The following FCGR2A variants were observed in gnomAD, a reference collection of about 807,000 sequenced individuals.
FCGR2A encodes the protein Fc gamma receptor IIa.
FCGR2A carries 18 observed loss-of-function variants against 29.3 expected under a neutral mutation model. The observed-to-expected ratio is 0.62, with a 90% CI of 0.43 to 0.91. FCGR2A has a LOEUF of 0.91. Ranked by LOEUF, FCGR2A falls within the 40% of genes least tolerant of loss-of-function variation. The pLI, the probability that FCGR2A is intolerant of heterozygous loss-of-function variation, is 0.00. For synonymous variants in FCGR2A, 126 were observed against 144.8 expected (o/e 0.87, Z 0.93); for missense variants, 287 against 393.0 (o/e 0.73, Z 2.28).
chr1:161,514,429 A>G (rs2102480762), intron 6 of FCGR2A, among the ~76,000 whole-genome samples: 1 of 150,456 alleles, frequency 6.6e-6, no homozygotes, highest in East Asian at 1.9e-4. Flanking sequence ...ATTCAAATGA[A>G]CTCTTTAAAA....
At chr1:161,506,095 C>G in intron 2 of FCGR2A, 88 bp downstream of exon 2, 10 of 1,400,586 alleles carry the variant, frequency 7.1e-6, no homozygotes, top group African/African-American at 2.8e-5. Flanking sequence ...GGGGGTATGT[C>G]TATTCCACTG....
chr1:161,509,729 T>C (rs952102001), intron 3 of FCGR2A, 91 bp from the exon 4 acceptor site: 15 of 1,504,618 alleles, frequency 1.0e-5, no homozygotes, highest in African/African-American at 4.2e-5. Context: ...CCAGACATCA[T>C]GTCAAGTTCT....
chr1:161,509,000 T>C (rs4656309), intron 3 of FCGR2A, among the ~76,000 whole-genome samples: 35,455 of 149,906 alleles, frequency 0.24, 5,245 homozygotes, highest in East Asian at 0.53. Context: ...AAAATTCATA[T>C]GATATGAATT....
At chr1:161,507,649 G>A (rs1003094547) in intron 3 of FCGR2A, among the ~76,000 whole-genome samples, 9 of 150,978 alleles carry the variant, frequency 6.0e-5, no homozygotes, top group Non-Finnish European at 1.5e-5. Flanking sequence ...TTCTGTTGAT[G>A]GTGCTTTACT....
At chr1:161,523,678 T>C (rs1676543386), downstream of FCGR2A, 1 of 152,036 alleles carries the variant, frequency 6.6e-6, no homozygotes, top group Non-Finnish European at 1.5e-5. Flanking sequence ...CTCTCCCGAG[T>C]CCCAGGGCCA....
chr1:161,522,009 A>G (rs1676470818), downstream of FCGR2A, among the ~76,000 whole-genome samples: 3 of 152,030 alleles, frequency 2.0e-5, 1 homozygote, highest in African/African-American at 7.2e-5. Flanking sequence ...AAACTAAGCT[A>G]CTAAACATAA....
rs1676352286 is a variant in FCGR2A at position 161,519,398 on chromosome 1, T to A, written c.*1250T>A. On this transcript the variant is annotated 3_prime_UTR_variant, in exon 7 of 7. Transcript: ENST00000271450. ...ACATGAGAAACGCTTATGTTACAGG[T>A]TACATGAGAGCAATCATGTAAGTCT... The A allele has an allele frequency of 6.6e-6, 1 of 152,504 alleles. No individual in the cohort carries two copies. Among genetic ancestry groups the A allele is most frequent in the African/African-American group, 2.4e-5 (1 of 41,444 alleles). The allele number at this position is 152,504 out of a possible 1,614,324, so 9.4% of individuals were successfully genotyped here. A position where few individuals can be genotyped will look rare whatever the true frequency, so the allele number is the denominator to read the frequency against.
chr1:161,511,823 G>A (rs1321950726), intron 5 of FCGR2A, among the ~76,000 whole-genome samples: 2 of 152,196 alleles, frequency 1.3e-5, no homozygotes, highest in Non-Finnish European at 2.9e-5. Flanking sequence ...GAGAAACCAG[G>A]TGAATACAGA....
chr1:161,513,842 C>T, intron 5 of FCGR2A, 53 bp from the exon 6 acceptor site: 6 of 1,613,944 alleles, frequency 3.7e-6, no homozygotes, highest in Non-Finnish European at 5.1e-6. Flanking sequence ...TCAGCGTGGG[C>T]AGGCCCTTTT....
chr1:161,517,197 TA>T (rs1251039503), intron 6 of FCGR2A, among the ~76,000 whole-genome samples: 1 of 151,678 alleles, frequency 6.6e-6, no homozygotes, highest in Non-Finnish European at 1.5e-5. Flanking sequence ...CAATACAATC[TA>T]AAATGAGCAA....
At position 161,518,271 on chromosome 1, in the gene FCGR2A, G is replaced by T. The variant is rs1472055448; in HGVS notation, c.*123G>T. The T allele has an allele frequency of 4.7e-6, 7 of 1,486,780 alleles. No individual in the cohort carries two copies. Among genetic ancestry groups the T allele is most frequent in the Non-Finnish European group, 6.3e-6 (7 of 1,111,556 alleles). 92.1% of individuals were successfully genotyped at this position (1,486,780 alleles called of 1,614,324 possible). ...AATCCTGAGCAAACAAAACCACCTG[G>T]CCCTTAGAAATAGCTTTAACTTTGC... On this transcript the variant is annotated 3_prime_UTR_variant, in exon 7 of 7. Transcript: ENST00000271450.
chr1:161,507,092 A>C (rs537613017), intron 3 of FCGR2A, among the ~76,000 whole-genome samples: 1 of 152,154 alleles, frequency 6.6e-6, no homozygotes, highest in African/African-American at 2.4e-5. Context: ...TGTTGCAACT[A>C]TTTTGACTTT....
rs200251451 is a variant in FCGR2A, at chr1:161,506,572, G to A, written c.345G>A (p.Val115=). 4.0e-5 allele frequency: 64 copies of A among 1,614,158 alleles called. No homozygotes were observed. The East Asian group carries it at 1.3e-3, about 33-fold the overall frequency. ...QTGQTSLSDP[V]HLTVLSEWLV... ...GCCAGACCAGCCTCAGCGACCCTGT[G>A]CATCTGACTGTGCTTTCCGGTCAGT... Residue 115 remains valine, a synonymous_variant, in exon 3 of 7, where the codon GTG becomes GTA. Transcript: ENST00000271450.
At chr1:161,507,516 G>C (rs1006916603) in intron 3 of FCGR2A, among the ~76,000 whole-genome samples, 2 of 152,210 alleles carry the variant, frequency 1.3e-5, no homozygotes, top group African/African-American at 4.8e-5. Flanking sequence ...ATAAACCCTG[G>C]AGATGGTCAC....
rs1675372981 is a variant in FCGR2A, at chr1:161,506,097, A to G, written c.106+90A>G. ...GCTGGGGCGGCGGGGGGGTATGTCT[A>G]TTCCACTGAAAATCAAGCTTGGGTT... On this transcript the variant is annotated intron_variant, in intron 2 of 6. Coordinates refer to ENST00000271450, the MANE Select transcript of FCGR2A (RefSeq NM_001136219.3). 7 of 1,399,572 alleles carry G rather than the reference A, an allele frequency of 5.0e-6. 1 individual carries two copies. Among genetic ancestry groups the G allele is most frequent in the South Asian group, 4.6e-5 (4 of 86,556 alleles). 86.7% of individuals were successfully genotyped at this position (1,399,572 alleles called of 1,614,324 possible).
At chr1:161,517,159 T>C (rs1447501984) in intron 6 of FCGR2A, among the ~76,000 whole-genome samples, 2 of 150,950 alleles carry the variant, frequency 1.3e-5, no homozygotes, top group Admixed American at 6.6e-5. Context: ...GTTTTTTTAA[T>C]AGAAGAATAC....
At chr1:161,514,374 A>C (rs890306366) in intron 6 of FCGR2A, among the ~76,000 whole-genome samples, 1 of 150,234 alleles carries the variant, frequency 6.7e-6, no homozygotes, top group Non-Finnish European at 1.5e-5. Context: ...TTAAAACATT[A>C]GACCTCTTTT....
chr1:161,505,795 A>C, intron 1 of FCGR2A, 192 bp from the exon 2 acceptor site: 1 of 721,812 alleles, frequency 1.4e-6, no homozygotes, highest in South Asian at 1.6e-5. Context: ...AGTCATGAGG[A>C]GGAACAGGAA....
At chr1:161,522,738 A>T (rs1321209577), downstream of FCGR2A, 1 of 152,130 alleles carries the variant, frequency 6.6e-6, no homozygotes, top group Non-Finnish European at 1.5e-5. Flanking sequence ...TGTGTAAGTC[A>T]TATATTGCAC....
Sources: gnomAD v4.1 joint callset for allele counts (sites outside exome capture counted in the v4.1 genomes callset) on GRCh38, gnomAD v4.1.1 for gene constraint, MANE v1.5 for transcripts, NCBI Gene and HGNC (gene_info 2026-07-23, HGNC 2026-07-21) for gene names.